Variants in KLRG1 observed in about 807,000 individuals in gnomAD.
KLRG1 encodes the protein killer cell lectin-like receptor subfamily G member 1.
Under a neutral mutation model 21.8 loss-of-function variants are expected in KLRG1, and 16 were observed. The observed-to-expected ratio is 0.73, with a 90% CI of 0.50 to 1.11. The LOEUF is 1.11. Among genes scored for constraint, KLRG1 ranks in the 50% most tolerant of loss-of-function variants. The probability of loss-of-function intolerance (pLI) is 0.00; values close to 1 mark genes in which losing one functional copy is unlikely to be tolerated. For missense variants in KLRG1, 173 were observed against 218.3 expected (o/e 0.79, Z 1.31); for synonymous variants, 69 against 75.9 (o/e 0.91, Z 0.47).
the KLRG1 span, among the ~76,000 whole-genome samples, chr12:9,149,775 T>C: frequency 6.6e-6 from 1 of 152,226 alleles, no homozygotes; most frequent in African/African-American, 2.4e-5. Flanking sequence ...ATATTCTCTT[T>C]CCCTGAGACT....
At chr12:9,003,625 G>T (rs779201162) in intron 3 of KLRG1, among the ~76,000 whole-genome samples, 19 of 151,572 alleles carry the variant, frequency 1.3e-4, no homozygotes. Flanking sequence ...CTTACCCCCA[G>T]CATGCACAGT....
At chr12:9,129,398 A>G in the KLRG1 span, among the ~76,000 whole-genome samples, 1 of 152,024 alleles carries the variant, frequency 6.6e-6, no homozygotes, top group Non-Finnish European at 1.5e-5. Flanking sequence ...ATTTTTTCTA[A>G]TCTTTCTCTG....
chr12:8,968,542 C>T (rs984827525), intron 1 of KLRG1, among the ~76,000 whole-genome samples: 3 of 152,082 alleles, frequency 2.0e-5, no homozygotes, highest in African/African-American at 4.8e-5. Flanking sequence ...TTTTAACACC[C>T]CCACCCCACG....
At chr12:8,961,800 C>G (rs776791352) in intron 1 of KLRG1, among the ~76,000 whole-genome samples, 1 of 152,246 alleles carries the variant, frequency 6.6e-6, no homozygotes, top group South Asian at 2.1e-4. Context: ...AAAATTGCCA[C>G]ACAAGCCAGG....
the KLRG1 span, among the ~76,000 whole-genome samples, chr12:9,074,104 AAAAG>A: frequency 7.6e-5 from 10 of 131,970 alleles, no homozygotes; most frequent in Non-Finnish European, 1.2e-4. Flanking sequence ...AAAAAAAAAA[AAAAG>A]GTGAATAGGG....
chr12:9,048,508 T>C, the KLRG1 span, among the ~76,000 whole-genome samples: 1 of 152,234 alleles, frequency 6.6e-6, no homozygotes, highest in South Asian at 2.1e-4. Context: ...AGAATAGTTA[T>C]GTGCAATGAA....
At chr12:9,090,918 G>C in the KLRG1 span, among the ~76,000 whole-genome samples, 3 of 152,170 alleles carry the variant, frequency 2.0e-5, no homozygotes, top group African/African-American at 7.2e-5. Flanking sequence ...GATCGTAGAG[G>C]TTGAAACCTT....
chr12:9,156,487 C>G, the KLRG1 span: 1 of 153,126 alleles, frequency 6.5e-6, no homozygotes, highest in Non-Finnish European at 1.5e-5. Flanking sequence ...AAGCCCAGAG[C>G]ATGAAGTGAG....
the KLRG1 span, among the ~76,000 whole-genome samples, chr12:9,028,442 G>T: frequency 9.2e-6 from 1 of 108,838 alleles, no homozygotes; most frequent in African/African-American, 2.9e-5. Flanking sequence ...GAGCCACCAC[G>T]CCAGGCCTTT....
the KLRG1 span, among the ~76,000 whole-genome samples, chr12:9,187,215 A>AAG: frequency 6.6e-6 from 1 of 152,248 alleles, no homozygotes; most frequent in South Asian, 2.1e-4. Flanking sequence ...GAGACCTTCA[A>AAG]AGAGACTCAG....
the KLRG1 span, among the ~76,000 whole-genome samples, chr12:9,151,090 A>G: frequency 2.6e-5 from 4 of 152,326 alleles, no homozygotes; most frequent in African/African-American, 9.6e-5. Context: ...CTGTTTGGAT[A>G]CATAAAACAT....
the KLRG1 span, among the ~76,000 whole-genome samples, chr12:9,087,927 C>A: frequency 2.9e-3 from 443 of 152,136 alleles, 2 homozygotes; most frequent in African/African-American, 0.01. Context: ...AATTAACTAA[C>A]TAATTTTTTA....
At chr12:9,084,723 G>A in the KLRG1 span, among the ~76,000 whole-genome samples, 1 of 151,962 alleles carries the variant, frequency 6.6e-6, no homozygotes, top group Non-Finnish European at 1.5e-5. Context: ...CCATTTAAAA[G>A]ACATAAAGTG....
chr12:9,151,134 C>A, the KLRG1 span, among the ~76,000 whole-genome samples: 2 of 152,092 alleles, frequency 1.3e-5, no homozygotes, highest in Non-Finnish European at 2.9e-5. Context: ...TGATAATATT[C>A]ATAAAATCCT....
the KLRG1 span, among the ~76,000 whole-genome samples, chr12:9,199,996 G>A: frequency 2.0e-5 from 3 of 152,104 alleles, no homozygotes; most frequent in Non-Finnish European, 4.4e-5. Context: ...AATTAGTTTT[G>A]GAAAATTACT....
chr12:9,057,150 C>A, the KLRG1 span, among the ~76,000 whole-genome samples: 3 of 152,150 alleles, frequency 2.0e-5, no homozygotes, highest in African/African-American at 7.2e-5. Flanking sequence ...ACAGATTAAA[C>A]TGAAAACAAG....
chr12:8,973,587 A>G (rs1946607680), intron 1 of KLRG1, among the ~76,000 whole-genome samples: 1 of 152,218 alleles, frequency 6.6e-6, no homozygotes, highest in Non-Finnish European at 1.5e-5. Flanking sequence ...TATGACAAAT[A>G]AAATTACCCA....
chr12:9,068,669 A>G, the KLRG1 span: 5 of 1,237,022 alleles, frequency 4.0e-6, no homozygotes, highest in Middle Eastern at 3.7e-4. Context: ...AATAACCCCA[A>G]CACATCTCCT....
the KLRG1 span, among the ~76,000 whole-genome samples, chr12:9,173,848 C>T: frequency 6.6e-6 from 1 of 152,046 alleles, no homozygotes; most frequent in African/African-American, 2.4e-5. Flanking sequence ...AATCTACCAA[C>T]CAAAAAAAGC....
Sources: allele counts gnomAD v4.1 joint callset (sites outside exome capture counted in the v4.1 genomes callset), GRCh38; gene constraint gnomAD v4.1.1; transcripts MANE v1.5; gene names NCBI Gene and HGNC (gene_info 2026-07-23, HGNC 2026-07-21).